LRRTM4: variants seen among roughly 807,000 people sequenced by gnomAD.
The protein encoded by LRRTM4 is leucine rich repeat transmembrane neuronal 4, also known as leucine-rich repeat transmembrane neuronal protein 4.
In LRRTM4, 25 loss-of-function variants were observed where a neutral mutation model predicts 47.6. The ratio of observed to expected loss-of-function variants is 0.53; its 90% CI spans 0.38 to 0.73. LRRTM4 has a LOEUF of 0.73. Among genes scored for constraint, LRRTM4 ranks in the 30% least tolerant of loss-of-function variants. The pLI is 0.00. For missense variants in LRRTM4, 638 were observed against 713.4 expected, an observed-to-expected ratio of 0.89 and a Z score of 1.20; for synonymous variants, 311 against 269.5, an observed-to-expected ratio of 1.15 and a Z score of -1.51.
At chr2:77,401,769 A>G (rs1192897776) in intron 3 of LRRTM4, among the ~76,000 whole-genome samples, 1 of 151,922 alleles carries the variant, frequency 6.6e-6, no homozygotes, top group Non-Finnish European at 1.5e-5. Context: ...ATATTTTTGT[A>G]TTCAGAAGCA....
chr2:77,008,958 A>AG (rs1677767481), intron 3 of LRRTM4: 1 of 151,716 alleles, frequency 6.6e-6, no homozygotes. Flanking sequence ...AAAAGAAAAA[A>AG]AAAACGATGA....
intron 3 of LRRTM4, among the ~76,000 whole-genome samples, chr2:77,436,617 A>G (rs985032164): frequency 6.6e-6 from 1 of 151,914 alleles, no homozygotes; most frequent in Non-Finnish European, 1.5e-5. Context: ...AATAGATTCT[A>G]GAAAGCTTTA....
chr2:76,979,042 T>C (rs1427891019), intron 3 of LRRTM4, among the ~76,000 whole-genome samples: 2 of 152,008 alleles, frequency 1.3e-5, no homozygotes, highest in Non-Finnish European at 2.9e-5. Flanking sequence ...TTTTCCACCA[T>C]CAGAAAAGTA....
chr2:76,866,467 T>C (rs1439635163), intron 3 of LRRTM4, among the ~76,000 whole-genome samples: 1 of 152,206 alleles, frequency 6.6e-6, no homozygotes, highest in Non-Finnish European at 1.5e-5. Flanking sequence ...ACTGTATTTT[T>C]TTCTTCTTTC....
intron 3 of LRRTM4, among the ~76,000 whole-genome samples, chr2:77,297,873 A>G (rs1677016016): frequency 6.6e-6 from 1 of 152,230 alleles, no homozygotes; most frequent in African/African-American, 2.4e-5. Context: ...TAGGACTGAC[A>G]CAAGATCACA....
At chr2:76,915,882 A>G (rs574639274) in intron 3 of LRRTM4, among the ~76,000 whole-genome samples, 1 of 152,276 alleles carries the variant, frequency 6.6e-6, no homozygotes, top group East Asian at 1.9e-4. Context: ...AGATTATTAA[A>G]TAATAAGTAA....
Position 77,154,362 on chromosome 2 carries a change from A to G in LRRTM4, c.1551+363956T>C, listed in dbSNP as rs532842327. ...AAAATGCAGCTGAGTAATAGAAGAC[A>G]TGGTCCACCTCACAAGGAATCAAAT... On this transcript the variant is annotated intron_variant, in intron 3 of 3. Coordinates refer to ENST00000409884, the MANE Select transcript of LRRTM4 (RefSeq NM_001134745.3). 9.2e-4 allele frequency among the ~76,000 whole-genome samples: 140 copies of G among 152,316 alleles called. 1 individual carries two copies. The highest frequency in any genetic ancestry group is 3.2e-3 in the African/African-American group (133 of 41,588).
intron 3 of LRRTM4, among the ~76,000 whole-genome samples, chr2:76,775,807 G>T (rs986770830): frequency 5.3e-5 from 8 of 151,648 alleles, no homozygotes; most frequent in African/African-American, 1.9e-4. Context: ...TGCATATTGT[G>T]CAGGTTAGTT....
chr2:76,856,689 A>C (rs1307869119), intron 3 of LRRTM4, among the ~76,000 whole-genome samples: 1 of 152,190 alleles, frequency 6.6e-6, no homozygotes, highest in Non-Finnish European at 1.5e-5. Flanking sequence ...ATTGCCATTA[A>C]AAATAGCTTA....
intron 3 of LRRTM4, among the ~76,000 whole-genome samples, chr2:77,435,960 T>C (rs1675578106): frequency 6.6e-6 from 1 of 152,202 alleles, no homozygotes; most frequent in Non-Finnish European, 1.5e-5. Context: ...AATTAGAGAA[T>C]TATTGATTCA....
intron 3 of LRRTM4, among the ~76,000 whole-genome samples, chr2:77,362,617 G>C (rs1274110523): frequency 6.6e-6 from 1 of 152,148 alleles, no homozygotes; most frequent in African/African-American, 2.4e-5. Context: ...TCTGGGGACT[G>C]GTCCGATTCG....
chr2:76,957,258 A>G (rs1223623346), intron 3 of LRRTM4, among the ~76,000 whole-genome samples: 2 of 151,682 alleles, frequency 1.3e-5, no homozygotes, highest in Non-Finnish European at 1.5e-5. Flanking sequence ...GGTCTGAAAC[A>G]GGGCAAAATG....
chr2:77,365,658 C>A (rs1672412688), intron 3 of LRRTM4, among the ~76,000 whole-genome samples: 1 of 151,428 alleles, frequency 6.6e-6, no homozygotes, highest in South Asian at 2.1e-4. Context: ...GGTTATGCAT[C>A]TTTTATAACA....
chr2:76,995,759 C>T (rs1347938548), intron 3 of LRRTM4, among the ~76,000 whole-genome samples: 2 of 151,930 alleles, frequency 1.3e-5, no homozygotes, highest in East Asian at 1.9e-4. Context: ...CTCTGTAACT[C>T]CAATATAAAT....
At chr2:76,782,340 C>A (rs934422758) in intron 3 of LRRTM4, among the ~76,000 whole-genome samples, 5 of 152,130 alleles carry the variant, frequency 3.3e-5, no homozygotes, top group African/African-American at 1.2e-4. Flanking sequence ...AGCAATTCAG[C>A]TTTTTCTTGT....
chr2:76,951,146 T>G (rs1675479901), intron 3 of LRRTM4, among the ~76,000 whole-genome samples: 2 of 152,160 alleles, frequency 1.3e-5, no homozygotes, highest in African/African-American at 2.4e-5. Context: ...TGGAAAAAAT[T>G]ATAAGTCTTG....
intron 3 of LRRTM4, among the ~76,000 whole-genome samples, chr2:76,899,875 T>C (rs1050067311): frequency 3.9e-5 from 6 of 152,140 alleles, no homozygotes; most frequent in African/African-American, 9.7e-5. Flanking sequence ...GCACACAACA[T>C]TGCCTTTTGC....
At chr2:77,027,534 A>T (rs1678497239) in intron 3 of LRRTM4, among the ~76,000 whole-genome samples, 1 of 152,136 alleles carries the variant, frequency 6.6e-6, no homozygotes, top group African/African-American at 2.4e-5. Context: ...GAAACTATTT[A>T]CCAATCAGTA....
At chr2:77,030,229 G>A (rs1376045586) in intron 3 of LRRTM4, among the ~76,000 whole-genome samples, 5 of 152,196 alleles carry the variant, frequency 3.3e-5, no homozygotes, top group Non-Finnish European at 7.4e-5. Flanking sequence ...TCAGGAGATC[G>A]AGACCATCCT....
Sources: gnomAD v4.1 joint callset for allele counts (sites outside exome capture counted in the v4.1 genomes callset) on GRCh38, gnomAD v4.1.1 for gene constraint, MANE v1.5 for transcripts, NCBI Gene and HGNC (gene_info 2026-07-23, HGNC 2026-07-21) for gene names.